Variants in SRP54 observed in about 807,000 individuals in gnomAD.
The protein encoded by SRP54 is signal recognition particle subunit SRP54.
A neutral mutation model predicts 64.8 loss-of-function variants in SRP54; 10 were observed. That is an observed-to-expected ratio of 0.15 (90% CI 0.10 to 0.26). SRP54 has a LOEUF of 0.26. Among genes scored for constraint, SRP54 ranks in the 10% least tolerant of loss-of-function variants. The probability of loss-of-function intolerance (pLI) is 1.00; values close to 1 mark genes in which losing one functional copy is unlikely to be tolerated. For synonymous variants in SRP54, 193 were observed against 185.6 expected (o/e 1.04, Z -0.32); for missense variants, 325 against 613.7 (o/e 0.53, Z 4.97).
intron 11 of SRP54, among the ~76,000 whole-genome samples, chr14:35,017,598 C>T (rs192079688): frequency 6.6e-6 from 1 of 152,318 alleles, no homozygotes; most frequent in East Asian, 1.9e-4. Context: ...GAACCAAATA[C>T]CTTTTCTCTT....
In SRP54 at chr14:35,029,148, T is replaced by C; in HGVS notation, c.1511T>C (p.Met504Thr). 2 of 1,613,428 alleles carry C rather than the reference T, an allele frequency of 1.2e-6. No homozygotes were observed. The highest frequency in any genetic ancestry group is 1.7e-6 in the Non-Finnish European group (2 of 1,179,638). The change falls in exon 16 of 16, where the codon ATG (methionine) becomes ACG (threonine). Residue 504 changes from methionine to threonine, a missense_variant. By Grantham distance (81) the Met-to-Thr change is moderately conservative. Around this residue, in one of 3 missense-constraint regions of SRP54, gnomAD observed 23 missense variants for 21.7 expected, o/e 1.06. Transcript: ENST00000216774. ...AAAGGCATGATGGGATTCAATAATA[T>C]GTAAAGAAAATGCCTTAATATAAAC... ...NMKGMMGFNN[M>T] is the part of the protein sequence containing the mutation.
rs1188489817 is a variant in SRP54 at position 35,008,909 on chromosome 14, C to T, written c.485+78C>T. ...CTTTTTTTTTTTTTTTTTTTTGAGA[C>T]GGAGTCTCCCTCTGTCACCCAGGCT... On this transcript the variant is annotated intron_variant, in intron 7 of 15. Transcript: ENST00000216774. 4.5e-5 allele frequency: 41 copies of T among 912,270 alleles called. 1 individual carries two copies. Among genetic ancestry groups the T allele is most frequent in the East Asian group, 9.6e-5 (3 of 31,294 alleles). The allele number at this position is 912,270 out of a possible 1,614,324, so 56.5% of individuals were successfully genotyped here. A position where few individuals can be genotyped will look rare whatever the true frequency, so the allele number is the denominator to read the frequency against.
chr14:35,007,701 T>G (rs536348561), intron 5 of SRP54, among the ~76,000 whole-genome samples: 56 of 125,124 alleles, frequency 4.5e-4, no homozygotes, highest in African/African-American at 1.5e-3. Context: ...AAAATAGATT[T>G]TATTAAAATA....
chr14:34,987,259 A>ATGTGTGTGTGTG (rs1296145213), intron 1 of SRP54, among the ~76,000 whole-genome samples: 4 of 113,446 alleles, frequency 3.5e-5, no homozygotes, highest in Admixed American at 9.3e-5. Context: ...ATATATATAT[A>ATGTGTGTGTGTG]TGTGTGTGTG....
chr14:35,010,157 A>AT (rs1491161960), intron 7 of SRP54, among the ~76,000 whole-genome samples: 32 of 150,292 alleles, frequency 2.1e-4, no homozygotes, highest in Non-Finnish European at 4.0e-4. Context: ...AAAAAAAAAA[A>AT]TTTTTTTAGG....
chr14:35,019,141 G>A (rs564592055), intron 13 of SRP54, 67 bp downstream of exon 13: 8 of 1,109,186 alleles, frequency 7.2e-6, no homozygotes, highest in South Asian at 5.3e-5. Context: ...GAGTTTCACT[G>A]TATTCTTGTG....
intron 13 of SRP54, among the ~76,000 whole-genome samples, chr14:35,021,934 C>G (rs998266205): frequency 3.3e-5 from 5 of 152,160 alleles, no homozygotes; most frequent in Non-Finnish European, 7.3e-5. Context: ...GCAACTGAAG[C>G]TAGAAGAAAT....
At chr14:35,001,406 C>T (rs966520715) in intron 4 of SRP54, among the ~76,000 whole-genome samples, 7 of 152,216 alleles carry the variant, frequency 4.6e-5, no homozygotes, top group African/African-American at 1.7e-4. Context: ...CCGCTTCGGC[C>T]TCCCAAAGTG....
chr14:35,009,162 A>G (rs978351049), intron 7 of SRP54, among the ~76,000 whole-genome samples: 1 of 151,886 alleles, frequency 6.6e-6, no homozygotes, highest in Non-Finnish European at 1.5e-5. Flanking sequence ...TGCTGGAATT[A>G]CAGGCATGAG....
At chr14:35,011,747 T>C in intron 8 of SRP54, 88 bp downstream of exon 8, 1 of 1,204,080 alleles carries the variant, frequency 8.3e-7, no homozygotes, top group Non-Finnish European at 1.1e-6. Context: ...ATATAAATTA[T>C]TCTTTGCCTG....
At chr14:34,988,578 A>AAAAAAAAAAAAAAATATATAT (rs1384552218) in intron 1 of SRP54, among the ~76,000 whole-genome samples, 1 of 47,100 alleles carries the variant, frequency 2.1e-5, no homozygotes, top group Non-Finnish European at 4.8e-5. Context: ...AAAAAAAAAA[A>AAAAAAAAAAAAAAATATATAT]ATATATATAT....
rs762344147 is a variant in SRP54, at chr14:35,023,098, G to A, written c.1327+18G>A. 9.5e-7 allele frequency: 1 copy of A among 1,047,790 alleles called. No homozygotes were observed. Among genetic ancestry groups the A allele is most frequent in the Non-Finnish European group, 1.3e-6 (1 of 768,028 alleles). 64.9% of individuals were successfully genotyped at this position (1,047,790 alleles called of 1,614,324 possible). On this transcript the variant is annotated intron_variant, in intron 14 of 15. Transcript: ENST00000216774. ...TTTCAAAGGTAAGAAAAATAAGCTT[G>A]TTATTAGTTAACAGACGGAAAAGAA...
At chr14:35,021,033 A>C (rs1049376287) in intron 13 of SRP54, among the ~76,000 whole-genome samples, 7 of 152,176 alleles carry the variant, frequency 4.6e-5, no homozygotes, top group African/African-American at 1.7e-4. Context: ...AATATAATAT[A>C]TATGTTTCAT....
rs963308198 is a variant in SRP54, at chr14:35,029,111, G to T, written c.1474G>T (p.Ala492Ser). The stretch of plus-strand genomic sequence containing the variant: ...GATGAGGCAGTTTCAACAGGGTGCT[G>T]CTGGCAACATGAAAGGCATGATGGG... ...SMMRQFQQGA[A>S]GNMKGMMGFN... Residue 492 changes from alanine (A) to serine (S), a missense_variant, in exon 16 of 16, where the codon GCT becomes TCT. By Grantham distance (99) the Ala-to-Ser change is moderately conservative. Coordinates refer to ENST00000216774, the MANE Select transcript of SRP54 (RefSeq NM_003136.4). The T allele has an allele frequency of 1.9e-6, 3 of 1,613,750 alleles. No individual in the cohort carries two copies. The highest frequency in any genetic ancestry group is 2.5e-6 in the Non-Finnish European group (3 of 1,179,912).
chr14:35,011,487 A>G, intron 7 of SRP54, 22 bp from the exon 8 acceptor site: 1 of 1,399,158 alleles, frequency 7.1e-7, no homozygotes, highest in Non-Finnish European at 9.4e-7. Context: ...GTTTTGTTAA[A>G]TCATTTGTCC....
intron 14 of SRP54, among the ~76,000 whole-genome samples, chr14:35,024,079 G>A (rs1240012992): frequency 6.6e-6 from 1 of 151,938 alleles, no homozygotes; most frequent in African/African-American, 2.4e-5. Flanking sequence ...CCAGACTGGA[G>A]TGCAGTGGCA....
intron 4 of SRP54, among the ~76,000 whole-genome samples, chr14:35,003,923 G>C (rs1224675495): frequency 7.7e-6 from 1 of 129,664 alleles, no homozygotes; most frequent in Non-Finnish European, 1.7e-5. Flanking sequence ...GACAGAGCGA[G>C]ACCTGTCTCA....
Position 35,011,560 on chromosome 14 carries a change from T to A in SRP54, c.537T>A (p.Phe179Leu), listed in dbSNP as rs1243071157. The A allele has an allele frequency of 6.3e-7, 1 of 1,586,566 alleles. No homozygotes were observed. Among genetic ancestry groups the A allele is most frequent in the African/African-American group, 1.3e-5 (1 of 74,596 alleles). Residue 179 changes from phenylalanine to leucine, a missense_variant, in exon 8 of 16, where the codon TTT (phenylalanine) becomes TTA (leucine). By Grantham distance (22) the Phe-to-Leu change is conservative. Around this residue, in one of 3 missense-constraint regions of SRP54, gnomAD observed 156 missense variants for 254.6 expected, o/e 0.61. Coordinates refer to ENST00000216774, the MANE Select transcript of SRP54 (RefSeq NM_003136.4). ...VIIASEGVEK[F>L]KNENFEIIIV... is the part of the protein sequence containing the mutation. Reference sequence around the variant, plus strand: ...TTGCTTCTGAAGGAGTAGAGAAATTTAAAAATGAAAATTTTGAAATTATTA... The same window carrying A: ...TTGCTTCTGAAGGAGTAGAGAAATTAAAAAATGAAAATTTTGAAATTATTA...
chr14:34,983,972 G>C (rs959816332), intron 1 of SRP54, among the ~76,000 whole-genome samples: 1 of 152,122 alleles, frequency 6.6e-6, no homozygotes, highest in African/African-American at 2.4e-5. Context: ...TTCCAATCTA[G>C]CCTCAATTTC....
Sources: allele counts gnomAD v4.1 joint callset (sites outside exome capture counted in the v4.1 genomes callset), GRCh38; gene constraint gnomAD v4.1.1; regional missense constraint gnomAD v4.1.1; transcripts MANE v1.5; gene names NCBI Gene and HGNC (gene_info 2026-07-23, HGNC 2026-07-21).